OR3A2: variants seen among roughly 807,000 people sequenced by gnomAD.
The protein encoded by OR3A2 is olfactory receptor 3A2.
For missense variants in OR3A2, 318 were observed against 392.8 expected (o/e 0.81, Z 1.61); for synonymous variants, 126 against 159.3 (o/e 0.79, Z 1.57).
chr17:3,366,827 T>C (rs2049568277), intron 2 of OR3A2, among the ~76,000 whole-genome samples: 2 of 152,204 alleles, frequency 1.3e-5, no homozygotes, highest in African/African-American at 4.8e-5. Flanking sequence ...GACAATCTCT[T>C]CTCCAGTAAA....
At chr17:3,277,148 G>C (rs1567538459), downstream of OR3A2, 1 of 151,906 alleles carries the variant, frequency 6.6e-6, no homozygotes, top group African/African-American at 2.4e-5. Context: ...GGATGGTCTC[G>C]ATCTCCTGAC....
chr17:3,304,086 G>A (rs2150627690), intron 3 of OR3A2, among the ~76,000 whole-genome samples: 1 of 151,702 alleles, frequency 6.6e-6, no homozygotes, highest in Admixed American at 6.6e-5. Context: ...TTGCAGCTTG[G>A]CTTTGATTAG....
chr17:3,334,660 G>T (rs2049264818), intron 3 of OR3A2, among the ~76,000 whole-genome samples: 1 of 152,144 alleles, frequency 6.6e-6, no homozygotes, highest in South Asian at 2.1e-4. Context: ...CTACCATTGG[G>T]ATTTTAAGCA....
chr17:3,313,295 T>C (rs2049058909), intron 3 of OR3A2, among the ~76,000 whole-genome samples: 1 of 152,206 alleles, frequency 6.6e-6, no homozygotes, highest in African/African-American at 2.4e-5. Flanking sequence ...CCTTAGATTA[T>C]CTCAGCACAC....
intron 2 of OR3A2, among the ~76,000 whole-genome samples, chr17:3,338,574 A>T (rs1430560424): frequency 1.3e-5 from 2 of 152,086 alleles, no homozygotes; most frequent in Admixed American, 1.3e-4. Flanking sequence ...CAAAGATCAG[A>T]TGGTTGTAGA....
intron 2 of OR3A2, among the ~76,000 whole-genome samples, chr17:3,338,118 GT>G (rs1567560068): frequency 1.3e-5 from 2 of 152,120 alleles, no homozygotes; most frequent in Non-Finnish European, 2.9e-5. Flanking sequence ...TTTTGATGGG[GT>G]TAATTTTTTT....
chr17:3,305,167 T>C (rs1441933651), intron 3 of OR3A2, among the ~76,000 whole-genome samples: 4 of 152,188 alleles, frequency 2.6e-5, no homozygotes, highest in Admixed American at 6.5e-5. Flanking sequence ...CATATTGAAG[T>C]TGTGTTATGA....
At chr17:3,349,800 A>C (rs2150652997) in intron 2 of OR3A2, among the ~76,000 whole-genome samples, 1 of 152,156 alleles carries the variant, frequency 6.6e-6, no homozygotes, top group South Asian at 2.1e-4. Context: ...CTCCTCAGCA[A>C]ATGTAAAAGA....
At chr17:3,287,437 G>A (rs2150619485), upstream of OR3A2, among the ~76,000 whole-genome samples, 1 of 152,062 alleles carries the variant, frequency 6.6e-6, no homozygotes, top group South Asian at 2.1e-4. Flanking sequence ...GCGGTATTGT[G>A]TCTATATCTC....
chr17:3,346,326 G>A (rs1332796067), intron 2 of OR3A2, among the ~76,000 whole-genome samples: 2 of 152,140 alleles, frequency 1.3e-5, no homozygotes, highest in Admixed American at 6.5e-5. Flanking sequence ...GGCAATGTGT[G>A]CAAATTACAT....
intron 2 of OR3A2, among the ~76,000 whole-genome samples, chr17:3,369,750 T>G (rs2150663462): frequency 6.6e-6 from 1 of 152,176 alleles, no homozygotes; most frequent in Middle Eastern, 3.4e-3. Flanking sequence ...CTTCACAGAA[T>G]GATTTAGGGA....
intron 2 of OR3A2, among the ~76,000 whole-genome samples, chr17:3,348,900 T>C (rs2049394163): frequency 6.6e-6 from 1 of 152,062 alleles, no homozygotes; most frequent in Non-Finnish European, 1.5e-5. Flanking sequence ...GAAAAGAATT[T>C]TCAACCCAGA....
chr17:3,285,989 G>C (rs548577942), upstream of OR3A2, among the ~76,000 whole-genome samples: 120 of 152,180 alleles, frequency 7.9e-4, no homozygotes, highest in African/African-American at 2.7e-3. Context: ...ATAGGTATAC[G>C]TGTGCCATGG....
At chr17:3,298,706 CCG>C (rs1175512827) in intron 3 of OR3A2, among the ~76,000 whole-genome samples, 8 of 152,170 alleles carry the variant, frequency 5.3e-5, no homozygotes, top group African/African-American at 1.9e-4. Flanking sequence ...AAGGGGGCCC[CCG>C]GAGAGTCCTC....
At chr17:3,351,123 C>T (rs1264954315) in intron 2 of OR3A2, among the ~76,000 whole-genome samples, 1 of 151,172 alleles carries the variant, frequency 6.6e-6, no homozygotes, top group Non-Finnish European at 1.5e-5. Flanking sequence ...AAAACTGGCA[C>T]AAGACAGGGA....
In OR3A2 at chr17:3,311,142, G is replaced by A. The variant is rs184426519; in HGVS notation, c.-85+24891C>T. Reference sequence around the variant, plus strand: ...GTCTTCGGACAAGGACAAGGGCATTGGCATCCTCAACACTGTCATCAGCCC... The same window carrying A: ...GTCTTCGGACAAGGACAAGGGCATTAGCATCCTCAACACTGTCATCAGCCC... On this transcript the variant is annotated intron_variant, in intron 3 of 4. Coordinates refer to the OR3A2 transcript ENST00000573491. This position sits in a 1 kb window ranked among gnomAD's most constrained non-coding sequence, Gnocchi z 4.6. 9 of 540,436 alleles carry A rather than the reference G, an allele frequency of 1.7e-5. No individual in the cohort carries two copies. Among genetic ancestry groups the A allele is most frequent in the Admixed American group, 1.3e-4 (7 of 51,872 alleles). 33.5% of individuals were successfully genotyped at this position (540,436 alleles called of 1,614,324 possible).
chr17:3,373,729 G>C (rs1204200275), intron 2 of OR3A2, among the ~76,000 whole-genome samples: 2 of 151,954 alleles, frequency 1.3e-5, no homozygotes, highest in African/African-American at 2.4e-5. Context: ...ATACTTTTTT[G>C]GTGGATTTTT....
intron 3 of OR3A2, among the ~76,000 whole-genome samples, chr17:3,289,984 A>G (rs936704193): frequency 1.3e-5 from 2 of 152,058 alleles, no homozygotes; most frequent in East Asian, 3.9e-4. Context: ...GACATTTTAG[A>G]TACGTAGCTG....
At chr17:3,278,235 A>C (rs754375058) in exon 2 of OR3A2, 1 of 1,614,174 alleles carries the variant, frequency 6.2e-7, no homozygotes, top group South Asian at 1.1e-5. Context: ...GATTCGTAGA[A>C]CTGCAGCTGC....
Sources: allele counts gnomAD v4.1 joint callset (sites outside exome capture counted in the v4.1 genomes callset), GRCh38; gene constraint gnomAD v4.1.1; non-coding constraint Gnocchi (gnomAD v3.1); transcripts MANE v1.5; gene names NCBI Gene and HGNC (gene_info 2026-07-23, HGNC 2026-07-21).